PANX1: variants seen among roughly 807,000 people sequenced by gnomAD.
PANX1 encodes the protein pannexin 1.
Under a neutral mutation model 38.7 loss-of-function variants are expected in PANX1, and 30 were observed. That is an observed-to-expected ratio of 0.78 (90% CI 0.58 to 1.05). The LOEUF (loss-of-function observed/expected upper bound fraction) is 1.05. PANX1 is among the 50% of genes least tolerant of loss of function. PANX1 has a pLI of 0.00. For missense variants in PANX1, 551 were observed against 517.2 expected (o/e 1.07, Z -0.63); for synonymous variants, 230 against 212.2 (o/e 1.08, Z -0.73).
chr11:94,167,424 T>C (rs1055773628), intron 2 of PANX1, among the ~76,000 whole-genome samples: 1 of 152,098 alleles, frequency 6.6e-6, no homozygotes, highest in African/African-American at 2.4e-5. Flanking sequence ...CATTGGAGGG[T>C]TCAATTCAGC....
intron 1 of PANX1, among the ~76,000 whole-genome samples, chr11:94,140,969 G>T (rs1240059237): frequency 6.6e-6 from 1 of 151,998 alleles, no homozygotes; most frequent in Non-Finnish European, 1.5e-5. Flanking sequence ...CTGGATTCTG[G>T]ATTCTCATTC....
At chr11:94,150,684 C>T (rs772172606) in intron 1 of PANX1, among the ~76,000 whole-genome samples, 22 of 152,164 alleles carry the variant, frequency 1.4e-4, no homozygotes, top group South Asian at 2.1e-4. Flanking sequence ...CACTCCTGCT[C>T]TTCACTCCCT....
Position 94,162,708 on chromosome 11 carries a change from G to A in PANX1, c.321+9078G>A, listed in dbSNP as rs866656220. On this transcript the variant is annotated intron_variant, in intron 2 of 4. Coordinates refer to ENST00000227638, the MANE Select transcript of PANX1 (RefSeq NM_015368.4). ...CGCCCTGCTTCGGCTCACGCTGGGTGCGCGGCACCCACTGTCCTGCCCCCA... is the reference window on the plus strand; with the variant it reads ...CGCCCTGCTTCGGCTCACGCTGGGTACGCGGCACCCACTGTCCTGCCCCCA... 5.9e-5 allele frequency among the ~76,000 whole-genome samples: 9 copies of A among 152,102 alleles called. No individual in the cohort carries two copies. In the South Asian group the frequency reaches 1.0e-3, roughly 18 times the overall value.
At chr11:94,174,345 G>T (rs12284895) in intron 2 of PANX1, among the ~76,000 whole-genome samples, 5,795 of 151,342 alleles carry the variant, frequency 0.038, 398 homozygotes, top group Admixed American at 0.13. Context: ...CTCTGGATGA[G>T]TGAGAATTCA....
chr11:94,160,659 T>G (rs1256079029), intron 2 of PANX1, among the ~76,000 whole-genome samples: 2 of 152,222 alleles, frequency 1.3e-5, no homozygotes, highest in Non-Finnish European at 2.9e-5. Flanking sequence ...AGCACACTGA[T>G]GGGTCTTGAG....
rs1032332565 is a variant in PANX1 at position 94,176,993 on chromosome 11, T to A, written c.322-1376T>A. 1.6e-4 allele frequency among the ~76,000 whole-genome samples: 25 copies of A among 151,758 alleles called. 1 individual carries two copies. Among genetic ancestry groups the A allele is most frequent in the African/African-American group, 5.4e-4 (22 of 41,010 alleles). Reference sequence around the variant, plus strand: ...TTTGTGGTTACCTGGAGTGTTTGAGTGCCTGTTCTATGCCAGGCCCTTTGC... The same window carrying A: ...TTTGTGGTTACCTGGAGTGTTTGAGAGCCTGTTCTATGCCAGGCCCTTTGC... On this transcript the variant is annotated intron_variant, in intron 2 of 4. Transcript: ENST00000227638.
At chr11:94,161,612 A>C (rs1171542274) in intron 2 of PANX1, among the ~76,000 whole-genome samples, 1 of 151,928 alleles carries the variant, frequency 6.6e-6, no homozygotes, top group Non-Finnish European at 1.5e-5. Flanking sequence ...TATTCTAGTT[A>C]GCCATTTGTC....
chr11:94,175,432 C>T (rs1947221965), intron 2 of PANX1, among the ~76,000 whole-genome samples: 1 of 151,712 alleles, frequency 6.6e-6, no homozygotes, highest in Non-Finnish European at 1.5e-5. Flanking sequence ...CATTGTACCA[C>T]TTATTGTACC....
chr11:94,130,195 A>G (rs1289387848), intron 1 of PANX1, among the ~76,000 whole-genome samples: 1 of 152,314 alleles, frequency 6.6e-6, no homozygotes, highest in South Asian at 2.1e-4. Context: ...CTCTCCACAC[A>G]GGAGAGAGTG....
At chr11:94,162,764 G>A (rs891059195) in intron 2 of PANX1, among the ~76,000 whole-genome samples, 6 of 152,090 alleles carry the variant, frequency 3.9e-5, no homozygotes, top group Non-Finnish European at 2.9e-5. Flanking sequence ...AGATGAATCC[G>A]GTTCCTCAGT....
chr11:94,141,583 AT>A lies in PANX1; in HGVS notation c.182-11901del, dbSNP rs1004167986. Among the ~76,000 whole-genome samples, 4 of 151,944 alleles carry A rather than the reference AT, an allele frequency of 2.6e-5. No homozygotes were observed. In the South Asian group the frequency reaches 8.3e-4, roughly 32 times the overall value. Reference sequence around the variant, plus strand: ...ATCCATCTTAACTATTTTTTAATTAATTTTTTTAAGCTAAAATGTTTTTTTC... The same window carrying A: ...ATCCATCTTAACTATTTTTTAATTAATTTTTTAAGCTAAAATGTTTTTTTC... On this transcript the variant is annotated intron_variant, in intron 1 of 4. Transcript: ENST00000227638.
Position 94,129,105 on chromosome 11 carries a change from C to T in PANX1, c.-208C>T. On this transcript the variant is annotated 5_prime_UTR_variant, in exon 1 of 5. Coordinates refer to ENST00000227638, the MANE Select transcript of PANX1 (RefSeq NM_015368.4). ...TCTCGGGTTCCCGCCCCGCCCCGCC[C>T]CGCCGGCGGCGGAGGCAGCGAGCGC... The T allele has an allele frequency of 2.5e-6, 1 of 407,712 alleles. No homozygotes were observed. The highest frequency in any genetic ancestry group is 4.3e-6 in the Non-Finnish European group (1 of 231,726). The allele number at this position is 407,712 out of a possible 1,614,324, so 25.3% of individuals were successfully genotyped here. A position where few individuals can be genotyped will look rare whatever the true frequency, so the allele number is the denominator to read the frequency against.
chr11:94,139,323 G>A (rs1371310135), intron 1 of PANX1, among the ~76,000 whole-genome samples: 4 of 152,114 alleles, frequency 2.6e-5, no homozygotes, highest in African/African-American at 4.8e-5. Flanking sequence ...TTGTCACATC[G>A]CCTTAGCAGA....
intron 2 of PANX1, among the ~76,000 whole-genome samples, chr11:94,158,731 G>A (rs35365843): frequency 0.077 from 11,669 of 152,176 alleles, 617 homozygotes; most frequent in Non-Finnish European, 0.12. Flanking sequence ...CTGATTGAAT[G>A]CCCTTTATTT....
intron 1 of PANX1, among the ~76,000 whole-genome samples, chr11:94,140,817 A>G (rs1946753386): frequency 6.6e-6 from 1 of 152,190 alleles, no homozygotes; most frequent in African/African-American, 2.4e-5. Flanking sequence ...ATATTTATTA[A>G]TTGATTTAAA....
intron 1 of PANX1, among the ~76,000 whole-genome samples, chr11:94,136,977 G>C (rs1362624338): frequency 2.6e-5 from 4 of 151,986 alleles, no homozygotes; most frequent in African/African-American, 9.7e-5. Flanking sequence ...GAGCAGGCAC[G>C]TCTTATATGG....
chr11:94,147,086 G>A (rs1307298129), intron 1 of PANX1, among the ~76,000 whole-genome samples: 2 of 152,158 alleles, frequency 1.3e-5, no homozygotes, highest in Admixed American at 1.3e-4. Context: ...GAATCTAAGT[G>A]CTGGGTATAT....
At chr11:94,166,208 TTAGAG>T (rs759815966) in intron 2 of PANX1, among the ~76,000 whole-genome samples, 2 of 152,210 alleles carry the variant, frequency 1.3e-5, no homozygotes, top group Non-Finnish European at 2.9e-5. Flanking sequence ...AATTACAGTG[TTAGAG>T]TATTCTGTAT....
Position 94,179,499 on chromosome 11 carries a change from G to C in PANX1, c.546-103G>C, listed in dbSNP as rs1591528550. The C allele has an allele frequency of 1.3e-5, 10 of 747,450 alleles. No homozygotes were observed. The East Asian group carries it at 2.7e-4, about 20-fold the overall frequency. The allele number at this position is 747,450 out of a possible 1,614,324, so 46.3% of individuals were successfully genotyped here. A position where few individuals can be genotyped will look rare whatever the true frequency, so the allele number is the denominator to read the frequency against. On this transcript the variant is annotated intron_variant, in intron 3 of 4. Transcript: ENST00000227638. ...TGACGTTGTAGGTAAAGAAGTATGG[G>C]TGTTTGAAATTTTTAGTGTGACATT... is the stretch of plus-strand genomic sequence containing the variant.
Sources: gnomAD v4.1 joint callset for allele counts (sites outside exome capture counted in the v4.1 genomes callset) on GRCh38, gnomAD v4.1.1 for gene constraint, MANE v1.5 for transcripts, NCBI Gene and HGNC (gene_info 2026-07-23, HGNC 2026-07-21) for gene names.